LRP2BP: variants seen among roughly 807,000 people sequenced by gnomAD.
LRP2BP encodes the protein LRP2 binding protein.
In LRP2BP, 38 loss-of-function variants were observed where a neutral mutation model predicts 45.2. That is an observed-to-expected ratio of 0.84 (90% CI 0.65 to 1.10). LRP2BP has a LOEUF of 1.10. Ranked by LOEUF, LRP2BP falls within the 50% of genes least tolerant of loss-of-function variation. The pLI, the probability that LRP2BP is intolerant of heterozygous loss-of-function variation, is 0.00. For missense variants in LRP2BP, 385 were observed against 418.9 expected, an observed-to-expected ratio of 0.92 and a Z score of 0.71; for synonymous variants, 153 against 153.9, an observed-to-expected ratio of 0.99 and a Z score of 0.04.
upstream of LRP2BP, chr4:185,396,643 C>T (rs991616849): frequency 8.2e-6 from 4 of 488,100 alleles, no homozygotes; most frequent in Non-Finnish European, 1.5e-5. Context: ...TGGCCTCGCG[C>T]GCCCGCCCCC....
chr4:185,385,075 C>G (rs970481950), intron 1 of LRP2BP, among the ~76,000 whole-genome samples: 1 of 152,054 alleles, frequency 6.6e-6, no homozygotes, highest in African/African-American at 2.4e-5. Flanking sequence ...GTGGCAAGCA[C>G]GGGATGAAAG....
Position 185,389,860 on chromosome 4 carries a change from AAG to A in LRP2BP, c.-22+4917_-22+4918del, listed in dbSNP as rs141855666. ...CAAGAATGACAGTGGAGATTAATAA[AAG>A]AGTGTTCAAAAATACCATGTGCACT... On this transcript the variant is annotated intron_variant, in intron 1 of 8. Coordinates refer to ENST00000505916, the MANE Select transcript of LRP2BP (RefSeq NM_001377440.1). Among the ~76,000 whole-genome samples, 1,280 of 152,284 alleles carry A rather than the reference AAG, an allele frequency of 8.4e-3. 17 individuals are homozygous for A. The highest frequency in any genetic ancestry group is 0.029 in the African/African-American group (1,216 of 41,568).
chr4:185,378,887 CACCA>C, intron 1 of LRP2BP: 1 of 985,394 alleles, frequency 1.0e-6, no homozygotes, highest in Non-Finnish European at 1.2e-6. Context: ...GGCTTACTTT[CACCA>C]ATCAGAAACA....
intron 4 of LRP2BP, among the ~76,000 whole-genome samples, 193 bp from the exon 5 acceptor site, chr4:185,374,654 A>T (rs2095427205): frequency 6.6e-6 from 1 of 152,164 alleles, no homozygotes. Context: ...CTAAAAGTAC[A>T]TCTCCTACTC....
chr4:185,394,866 T>A lies in LRP2BP; in HGVS notation c.-109A>T, dbSNP rs1011461280. 4 of 985,442 alleles carry A rather than the reference T, an allele frequency of 4.1e-6. No homozygotes were observed. Among genetic ancestry groups the A allele is most frequent in the Non-Finnish European group, 3.6e-6 (3 of 829,926 alleles). The allele number at this position is 985,442 out of a possible 1,614,324, so 61.0% of individuals were successfully genotyped here. A position where few individuals can be genotyped will look rare whatever the true frequency, so the allele number is the denominator to read the frequency against. On this transcript the variant is annotated 5_prime_UTR_variant, in exon 1 of 9. Coordinates refer to ENST00000505916, the MANE Select transcript of LRP2BP (RefSeq NM_001377440.1). ...TACCAGCAATTAAAACATGTAGAAT[T>A]AGCACTGCTTAGGAGAACGCCTATA... is the stretch of plus-strand genomic sequence containing the variant.
chr4:185,383,085 G>A (rs2095460147), intron 1 of LRP2BP, among the ~76,000 whole-genome samples: 1 of 152,132 alleles, frequency 6.6e-6, no homozygotes, highest in South Asian at 2.1e-4. Flanking sequence ...CTCATCATTT[G>A]TTATACTTTC....
At chr4:185,379,506 G>A (rs1561086532) in intron 1 of LRP2BP, among the ~76,000 whole-genome samples, 1 of 152,204 alleles carries the variant, frequency 6.6e-6, no homozygotes, top group Non-Finnish European at 1.5e-5. Flanking sequence ...TAAAACTCAT[G>A]TTGCCTTTTG....
At position 185,364,793 on chromosome 4, in the gene LRP2BP, G is replaced by C. The variant is rs2095380590; in HGVS notation, c.*2387C>G. ...GATAAAATACATTCAAGGAAGAGAG[G>C]CAATGTGAAGTTGTCAAGCCTGAAG... is the stretch of plus-strand genomic sequence containing the variant. On this transcript the variant is annotated 3_prime_UTR_variant, in exon 9 of 9. Coordinates refer to ENST00000505916, the MANE Select transcript of LRP2BP (RefSeq NM_001377440.1). 6.6e-6 allele frequency: 1 copy of C among 152,138 alleles called. No individual in the cohort carries two copies. The highest frequency in any genetic ancestry group is 1.5e-5 in the Non-Finnish European group (1 of 68,024). 9.4% of individuals were successfully genotyped at this position (152,138 alleles called of 1,614,324 possible). A position where few individuals can be genotyped will look rare whatever the true frequency, so the allele number is the denominator to read the frequency against.
chr4:185,372,859 T>C lies in LRP2BP; in HGVS notation c.800A>G (p.Lys267Arg), dbSNP rs761896890. ...CAGAACAGACAAAGACATTCACCTTTTGGAAAATGCAACACACTTTGTAAA... is the reference window on the plus strand; with the variant it reads ...CAGAACAGACAAAGACATTCACCTTCTGGAAAATGCAACACACTTTGTAAA... The part of the protein sequence containing the change: ...KFFTKCVAFS[K>R]RIADYDEVHD... The change falls in exon 7 of 9, where the codon AAA (lysine) becomes AGA (arginine). Residue 267 changes from lysine (K) to arginine (R), a missense_variant. Coordinates refer to ENST00000505916, the MANE Select transcript of LRP2BP (RefSeq NM_001377440.1). 24 of 1,599,068 alleles carry C rather than the reference T, an allele frequency of 1.5e-5. No individual in the cohort carries two copies. The highest frequency in any genetic ancestry group is 1.3e-4 in the Admixed American group (8 of 59,754).
chr4:185,382,779 T>C (rs752077134), intron 1 of LRP2BP, among the ~76,000 whole-genome samples: 6 of 152,226 alleles, frequency 3.9e-5, no homozygotes, highest in Non-Finnish European at 8.8e-5. Context: ...TGTGGATGTT[T>C]TTCTTTAACA....
intron 7 of LRP2BP, among the ~76,000 whole-genome samples, chr4:185,371,904 T>C (rs1283633326): frequency 6.6e-6 from 1 of 151,922 alleles, no homozygotes; most frequent in Non-Finnish European, 1.5e-5. Context: ...CCTGGCGCTG[T>C]GGGAAGGGTG....
intron 1 of LRP2BP, among the ~76,000 whole-genome samples, chr4:185,392,687 A>G (rs1051765989): frequency 6.6e-6 from 1 of 152,176 alleles, no homozygotes; most frequent in African/African-American, 2.4e-5. Context: ...TATTTGGAAT[A>G]TTATCACCTT....
At chr4:185,379,104 T>C (rs1481209054) in intron 1 of LRP2BP, 2 of 418,928 alleles carry the variant, frequency 4.8e-6, no homozygotes, top group Non-Finnish European at 6.4e-6. Flanking sequence ...GGAAGAGTCA[T>C]TTAATCTTTT....
chr4:185,387,979 G>A (rs548619958), intron 1 of LRP2BP, among the ~76,000 whole-genome samples: 1 of 152,220 alleles, frequency 6.6e-6, no homozygotes, highest in Non-Finnish European at 1.5e-5. Flanking sequence ...TGTGTGACGA[G>A]CCCTCGACAG....
rs529990158 is a variant in LRP2BP, at chr4:185,389,924, A to G, written c.-22+4855T>C. Among the ~76,000 whole-genome samples the G allele has an allele frequency of 1.8e-4, 27 of 152,282 alleles. No homozygotes were observed. The South Asian group carries it at 5.6e-3, about 32-fold the overall frequency. ...ACGTGTAAAAAAAAGTTATTTCCCA[A>G]TCTTCTCATTTAGGGCCAGAAGTGA... On this transcript the variant is annotated intron_variant, in intron 1 of 8. Coordinates refer to ENST00000505916, the MANE Select transcript of LRP2BP (RefSeq NM_001377440.1).
upstream of LRP2BP, chr4:185,397,153 G>C: frequency 1.2e-6 from 2 of 1,613,392 alleles, no homozygotes; most frequent in Non-Finnish European, 1.7e-6. Context: ...CCTGCAGGTG[G>C]ATGGTCTGAA....
At chr4:185,393,868 T>TA (rs1382518944) in intron 1 of LRP2BP, among the ~76,000 whole-genome samples, 9 of 152,140 alleles carry the variant, frequency 5.9e-5, no homozygotes, top group Non-Finnish European at 1.2e-4. Context: ...CTAGGTTTAG[T>TA]ATTGCGGGAG....
intron 1 of LRP2BP, among the ~76,000 whole-genome samples, chr4:185,383,933 C>T (rs2095462835): frequency 6.6e-6 from 1 of 152,148 alleles, no homozygotes; most frequent in Non-Finnish European, 1.5e-5. Context: ...CTTCAGATTC[C>T]ACCTGTGCCT....
Position 185,395,535 on chromosome 4 carries a change from A to C in LRP2BP, c.-778T>G. The C allele has an allele frequency of 1.0e-6, 1 of 984,230 alleles. No individual in the cohort carries two copies. Among genetic ancestry groups the C allele is most frequent in the South Asian group, 4.7e-5 (1 of 21,264 alleles). 61.0% of individuals were successfully genotyped at this position (984,230 alleles called of 1,614,324 possible). A position where few individuals can be genotyped will look rare whatever the true frequency, so the allele number is the denominator to read the frequency against. ...TCTACACTGCCGTTCTTTAAACATC[A>C]TTAAAAGATATTGTGAATAGTTTAA... On this transcript the variant is annotated 5_prime_UTR_variant, in exon 1 of 9. It removes an upstream start codon present in the reference 5' UTR. Coordinates refer to ENST00000505916, the MANE Select transcript of LRP2BP (RefSeq NM_001377440.1).
Sources: allele counts gnomAD v4.1 joint callset (sites outside exome capture counted in the v4.1 genomes callset), GRCh38; gene constraint gnomAD v4.1.1; transcripts MANE v1.5; gene names NCBI Gene and HGNC (gene_info 2026-07-23, HGNC 2026-07-21).